Variants in MAF observed in about 807,000 individuals in gnomAD.
The protein encoded by MAF is transcription factor Maf.
A neutral mutation model predicts 22.0 loss-of-function variants in MAF; 10 were observed. The observed-to-expected ratio is 0.45, with a 90% CI of 0.28 to 0.77. The LOEUF is 0.77. Ranked by LOEUF, MAF falls within the 30% of genes least tolerant of loss-of-function variation. MAF has a pLI of 0.12. For synonymous variants in MAF, 337 were observed against 255.8 expected, an observed-to-expected ratio of 1.32 and a Z score of -3.03; for missense variants, 544 against 548.4, an observed-to-expected ratio of 0.99 and a Z score of 0.08.
the MAF span, among the ~76,000 whole-genome samples, chr16:79,446,742 A>G: frequency 1.0e-5 from 1 of 98,710 alleles, no homozygotes; most frequent in Non-Finnish European, 2.7e-5. Flanking sequence ...TGAGACACCC[A>G]TCTCTAAAAA....
chr16:79,376,381 A>G, the MAF span, among the ~76,000 whole-genome samples: 4 of 151,978 alleles, frequency 2.6e-5, no homozygotes, highest in African/African-American at 7.2e-5. Context: ...TTAAAATTTT[A>G]TGTATTTTTT....
chr16:79,298,144 A>C, the MAF span, among the ~76,000 whole-genome samples: 2 of 152,388 alleles, frequency 1.3e-5, no homozygotes, highest in East Asian at 3.9e-4. Flanking sequence ...AAGCCAGCTC[A>C]GGCGGAGCTT....
At chr16:79,280,512 G>A in the MAF span, among the ~76,000 whole-genome samples, 1 of 152,198 alleles carries the variant, frequency 6.6e-6, no homozygotes, top group Non-Finnish European at 1.5e-5. Context: ...AGCTTGGGGG[G>A]CCACCACCTA....
Position 79,598,771 on chromosome 16 carries a change from C to A in MAF, c.1118+14G>T, listed in dbSNP as rs749087093. The stretch of plus-strand genomic sequence containing the variant: ...TTATCAGGGTGGCTAGCTGGAATCG[C>A]GTGTCAGACTCACATGAAAAACTCG... On this transcript the variant is annotated intron_variant, in intron 1 of 1. Coordinates refer to ENST00000326043, the MANE Select transcript of MAF (RefSeq NM_005360.5). The A allele has an allele frequency of 6.2e-7, 1 of 1,613,760 alleles. No homozygotes were observed. The highest frequency in any genetic ancestry group is 8.5e-7 in the Non-Finnish European group (1 of 1,180,004).
the MAF span, among the ~76,000 whole-genome samples, chr16:79,563,506 CA>C: frequency 0.082 from 11,328 of 138,306 alleles, 480 homozygotes; most frequent in Middle Eastern, 0.11. Context: ...GACTTGGCAC[CA>C]AAAAAAAAAA....
the MAF span, among the ~76,000 whole-genome samples, chr16:79,314,174 A>G: frequency 2.0e-5 from 3 of 152,154 alleles, no homozygotes; most frequent in African/African-American, 4.8e-5. Context: ...TAATAAATCC[A>G]TGGCATGTCT....
At chr16:79,321,862 T>A in the MAF span, among the ~76,000 whole-genome samples, 1 of 151,136 alleles carries the variant, frequency 6.6e-6, no homozygotes, top group Admixed American at 6.6e-5. Flanking sequence ...GCTGACAGGG[T>A]GTATGTGCTT....
chr16:79,474,020 G>A, the MAF span, among the ~76,000 whole-genome samples: 4 of 152,038 alleles, frequency 2.6e-5, no homozygotes, highest in Non-Finnish European at 4.4e-5. Context: ...ATGTCTATAA[G>A]GAAAGGGAGA....
At chr16:79,346,104 T>G in the MAF span, among the ~76,000 whole-genome samples, 4 of 152,046 alleles carry the variant, frequency 2.6e-5, no homozygotes, top group Non-Finnish European at 2.9e-5. Context: ...TGTATACATG[T>G]GCCATGTTGG....
At chr16:79,313,983 A>G in the MAF span, among the ~76,000 whole-genome samples, 6 of 152,152 alleles carry the variant, frequency 3.9e-5, no homozygotes, top group South Asian at 2.1e-4. Context: ...GGCCAGGGAA[A>G]ACTATGGCGT....
the MAF span, among the ~76,000 whole-genome samples, chr16:79,207,831 A>G: frequency 2.0e-5 from 3 of 151,988 alleles, no homozygotes; most frequent in Admixed American, 2.0e-4. Context: ...AAACCTCTGT[A>G]CCCTTTCCTT....
At chr16:79,513,169 C>T in the MAF span, among the ~76,000 whole-genome samples, 1 of 152,242 alleles carries the variant, frequency 6.6e-6, no homozygotes, top group African/African-American at 2.4e-5. Context: ...GACCAAAGCC[C>T]TATAGCCCGG....
the MAF span, among the ~76,000 whole-genome samples, chr16:79,265,983 C>T: frequency 6.6e-6 from 1 of 152,106 alleles, no homozygotes. Context: ...TTTTCTTTTT[C>T]TCCTTCCCTT....
chr16:79,391,361 G>C, the MAF span, among the ~76,000 whole-genome samples: 3 of 152,088 alleles, frequency 2.0e-5, no homozygotes, highest in African/African-American at 7.2e-5. Context: ...TTTCTCTCTA[G>C]CTATTTGCAA....
At chr16:79,439,843 G>T in the MAF span, among the ~76,000 whole-genome samples, 1 of 152,212 alleles carries the variant, frequency 6.6e-6, no homozygotes, top group Admixed American at 6.5e-5. Flanking sequence ...GATCACAGGG[G>T]CAACCAAAGA....
the MAF span, among the ~76,000 whole-genome samples, chr16:79,283,270 C>T: frequency 6.6e-6 from 1 of 152,212 alleles, no homozygotes; most frequent in Non-Finnish European, 1.5e-5. Flanking sequence ...AGAAAACCAT[C>T]TTTCTAGAAA....
At chr16:79,234,839 C>T in the MAF span, among the ~76,000 whole-genome samples, 1 of 152,102 alleles carries the variant, frequency 6.6e-6, no homozygotes, top group Admixed American at 6.6e-5. Flanking sequence ...TGAGGCTGAT[C>T]ATGTAACTTA....
chr16:79,233,073 C>CT, the MAF span, among the ~76,000 whole-genome samples: 1 of 151,850 alleles, frequency 6.6e-6, no homozygotes, highest in Non-Finnish European at 1.5e-5. Flanking sequence ...ATCTCCTGAC[C>CT]TCATGATCTG....
At chr16:79,437,888 A>G in the MAF span, among the ~76,000 whole-genome samples, 49 of 151,966 alleles carry the variant, frequency 3.2e-4, no homozygotes, top group African/African-American at 1.1e-3. Context: ...CCTTTCACCT[A>G]GAGTGGGACA....
Sources: allele counts gnomAD v4.1 joint callset (sites outside exome capture counted in the v4.1 genomes callset), GRCh38; gene constraint gnomAD v4.1.1; transcripts MANE v1.5; gene names NCBI Gene and HGNC (gene_info 2026-07-23, HGNC 2026-07-21).